RFT1: variants seen among roughly 807,000 people sequenced by gnomAD.
RFT1 encodes man(5)GlcNAc(2)-PP-dolichol translocation protein RFT1.
A neutral mutation model predicts 62.2 loss-of-function variants in RFT1; 43 were observed. The observed-to-expected ratio is 0.69, with a 90% CI of 0.54 to 0.89. RFT1 has a LOEUF of 0.89. RFT1 is among the 40% of genes least tolerant of loss of function. The pLI is 0.00. For synonymous variants in RFT1, 262 were observed against 264.6 expected (o/e 0.99, Z 0.10); for missense variants, 605 against 649.9 (o/e 0.93, Z 0.75).
rs1266248387 is a variant in RFT1 at position 53,108,557 on chromosome 3, GT to G, written c.776-1689del. ...GCACCCGCCACCATCCCCAGCTAAT[GT>G]TTTTTTTTATTTTTTAGTGGAGACG... On this transcript the variant is annotated intron_variant, in intron 7 of 12. Transcript: ENST00000296292. Among the ~76,000 whole-genome samples, 21 of 149,912 alleles carry G rather than the reference GT, an allele frequency of 1.4e-4. No individual in the cohort carries two copies. In the South Asian group the frequency reaches 1.7e-3, roughly 12 times the overall value.
chr3:53,086,674 C>G (rs1379740137), downstream of RFT1, among the ~76,000 whole-genome samples: 1 of 152,124 alleles, frequency 6.6e-6, no homozygotes, highest in African/African-American at 2.4e-5. Flanking sequence ...TCTAGGGGAC[C>G]CCTGATACTT....
chr3:53,116,261 T>C (rs1701787814), intron 6 of RFT1, among the ~76,000 whole-genome samples: 1 of 151,356 alleles, frequency 6.6e-6, no homozygotes, highest in African/African-American at 2.4e-5. Flanking sequence ...AGTCATACAC[T>C]GCGTTCATGC....
the RFT1 span, among the ~76,000 whole-genome samples, chr3:53,069,699 G>C: frequency 6.6e-6 from 1 of 152,314 alleles, no homozygotes; most frequent in East Asian, 1.9e-4. Context: ...TTTGGAGGGT[G>C]ACTTAGCCCC....
Position 53,119,938 on chromosome 3 carries a change from T to C in RFT1, c.642A>G (p.Gln214=), listed in dbSNP as rs753623323. 10 of 1,613,282 alleles carry C rather than the reference T, an allele frequency of 6.2e-6. No homozygotes were observed. The highest frequency in any genetic ancestry group is 3.3e-5 in the South Asian group (3 of 90,882). Residue 214 remains glutamine (Q), a synonymous_variant, in exon 6 of 13, where the codon CAA becomes CAG. Transcript: ENST00000296292. ...CTGTTATTCTGGAGACAGGAAGAGT[T>C]TGAAGCTTGGTTGATTCTGGGGAAC... The part of the protein sequence containing the change: ...LLGSPESTKL[Q]TLPVSRITDL...
chr3:53,098,576 G>GC (rs1701212199), intron 11 of RFT1, among the ~76,000 whole-genome samples: 1 of 152,136 alleles, frequency 6.6e-6, no homozygotes, highest in Non-Finnish European at 1.5e-5. Flanking sequence ...GCCAAGGCGG[G>GC]AGAATCACAA....
At chr3:53,078,497 C>T in the RFT1 span, among the ~76,000 whole-genome samples, 1 of 152,028 alleles carries the variant, frequency 6.6e-6, no homozygotes, top group Non-Finnish European at 1.5e-5. Flanking sequence ...GCCTGTAATC[C>T]CAGTACTTTA....
intron 11 of RFT1, among the ~76,000 whole-genome samples, chr3:53,098,823 A>G (rs9824992): frequency 0.035 from 5,125 of 146,950 alleles, 238 homozygotes; most frequent in African/African-American, 0.13. Flanking sequence ...AAAAAAAAAA[A>G]AAAGAACCAC....
chr3:53,106,922 T>C (rs748985539), intron 7 of RFT1, 53 bp from the exon 8 acceptor site: 1 of 1,370,622 alleles, frequency 7.3e-7, no homozygotes, highest in Admixed American at 1.7e-5. Context: ...ATTACTTTAT[T>C]GTTTCCTTTC....
At chr3:53,077,941 G>T in the RFT1 span, 1 of 152,388 alleles carries the variant, frequency 6.6e-6, no homozygotes, top group Non-Finnish European at 1.5e-5. Context: ...CTTTTCAGAT[G>T]TGGAACCCAG....
At chr3:53,067,023 A>G in the RFT1 span, among the ~76,000 whole-genome samples, 1 of 152,336 alleles carries the variant, frequency 6.6e-6, no homozygotes, top group East Asian at 1.9e-4. Flanking sequence ...GGCAGCGTGG[A>G]GGAATCTGGA....
At chr3:53,097,027 G>C (rs113575180) in intron 11 of RFT1, among the ~76,000 whole-genome samples, 11,368 of 152,184 alleles carry the variant, frequency 0.075, 476 homozygotes, top group East Asian at 0.12. Flanking sequence ...TTACAGGTGT[G>C]AGCCACCGTG....
At chr3:53,088,463 G>A (rs1431461273), downstream of RFT1, 1 of 152,060 alleles carries the variant, frequency 6.6e-6, no homozygotes, top group Non-Finnish European at 1.5e-5. Context: ...AGGGAGAAGG[G>A]GTATGAAAGA....
chr3:53,106,765 G>C, intron 8 of RFT1, 54 bp downstream of exon 8: 1 of 1,204,396 alleles, frequency 8.3e-7, no homozygotes, highest in Non-Finnish European at 1.2e-6. Context: ...ATATTAGGAA[G>C]TATCTATTAA....
the RFT1 span, among the ~76,000 whole-genome samples, chr3:53,071,825 C>G: frequency 2.0e-5 from 3 of 152,210 alleles, no homozygotes; most frequent in East Asian, 5.8e-4. Flanking sequence ...TAGAGAGCCC[C>G]AAGTCTGGCT....
intron 7 of RFT1, 127 bp downstream of exon 7, chr3:53,111,703 C>T: frequency 1.3e-6 from 1 of 787,674 alleles, no homozygotes; most frequent in East Asian, 2.5e-5. Flanking sequence ...AAGCCCCCTC[C>T]TCCCATTTCT....
downstream of RFT1, among the ~76,000 whole-genome samples, chr3:53,084,123 G>A (rs940507625): frequency 3.9e-5 from 6 of 152,226 alleles, no homozygotes; most frequent in Admixed American, 3.9e-4. Context: ...CTCTGGTGAG[G>A]GAAGATAAGA....
rs538582575 is a variant in RFT1, at chr3:53,090,673, T to G, written c.*1230A>C. On this transcript the variant is annotated 3_prime_UTR_variant, in exon 13 of 13. Transcript: ENST00000296292. ...TCTCTCTAGGTGTAGACACAGAAGG[T>G]TTGGGGCACTGAGTGACAGGATTAT... The G allele has an allele frequency of 6.6e-6, 1 of 152,310 alleles. No homozygotes were observed. Among genetic ancestry groups the G allele is most frequent in the South Asian group, 2.1e-4 (1 of 4,830 alleles). 9.4% of individuals were successfully genotyped at this position (152,310 alleles called of 1,614,324 possible). A position where few individuals can be genotyped will look rare whatever the true frequency, so the allele number is the denominator to read the frequency against.
At chr3:53,097,963 C>T (rs1011500531) in intron 11 of RFT1, among the ~76,000 whole-genome samples, 1 of 152,140 alleles carries the variant, frequency 6.6e-6, no homozygotes, top group Non-Finnish European at 1.5e-5. Context: ...GGGTTGTGAC[C>T]TACTAGGCTG....
chr3:53,125,851 G>A (rs1702093654), intron 2 of RFT1, 58 bp downstream of exon 2: 2 of 1,336,614 alleles, frequency 1.5e-6, no homozygotes, highest in Non-Finnish European at 2.1e-6. Context: ...TACAGAGTTT[G>A]AAGAAAGCCT....
Sources: allele counts gnomAD v4.1 joint callset (sites outside exome capture counted in the v4.1 genomes callset), GRCh38; gene constraint gnomAD v4.1.1; transcripts MANE v1.5; gene names NCBI Gene and HGNC (gene_info 2026-07-23, HGNC 2026-07-21).